The following PCDH15 variants were observed in gnomAD, a reference collection of about 807,000 sequenced individuals.
PCDH15 encodes the protein protocadherin related 15.
In PCDH15, 129 loss-of-function variants were observed where a neutral mutation model predicts 178.5. The observed-to-expected ratio is 0.72, with a 90% CI of 0.63 to 0.84. The LOEUF is 0.84. PCDH15 is among the 40% of genes least tolerant of loss of function. The pLI is 0.00. For synonymous variants in PCDH15, 800 were observed against 732.0 expected, an observed-to-expected ratio of 1.09 and a Z score of -1.50; for missense variants, 2,230 against 2,099.9, an observed-to-expected ratio of 1.06 and a Z score of -1.21.
At chr10:54,443,025 G>T (rs752038860) in intron 3 of PCDH15, among the ~76,000 whole-genome samples, 16 of 151,678 alleles carry the variant, frequency 1.1e-4, no homozygotes, top group Non-Finnish European at 1.6e-4. Context: ...ATGCTAAATA[G>T]TGGCATGAGC....
chr10:54,119,462 A>T (rs1346701359), intron 15 of PCDH15, among the ~76,000 whole-genome samples: 3 of 152,144 alleles, frequency 2.0e-5, no homozygotes, highest in East Asian at 1.9e-4. Flanking sequence ...AGAATTTTTT[A>T]AAATGTACAA....
chr10:55,426,628 T>C (rs2132051984), intron 2 of PCDH15, among the ~76,000 whole-genome samples: 1 of 152,240 alleles, frequency 6.6e-6, no homozygotes, highest in East Asian at 1.9e-4. Context: ...GGTGGCTGCC[T>C]TCCAACAGCG....
Position 54,413,989 on chromosome 10 carries a change from T to C in PCDH15, c.158-35047A>G, listed in dbSNP as rs12263018. Among the ~76,000 whole-genome samples the C allele has an allele frequency of 5.6e-3, 849 of 152,242 alleles. 11 individuals carry two copies. Among genetic ancestry groups the C allele is most frequent in the African/African-American group, 0.02 (835 of 41,546 alleles). On this transcript the variant is annotated intron_variant, in intron 3 of 37. Coordinates refer to ENST00000644397, the MANE Select transcript of PCDH15 (RefSeq NM_001384140.1). ...ATCACCCAAATCATTACCCAAATAG[T>C]GTACGTTGTACCCATAAAGCAATCT...
At chr10:55,612,468 A>G (rs1452566054) in intron 2 of PCDH15, among the ~76,000 whole-genome samples, 1 of 152,122 alleles carries the variant, frequency 6.6e-6, no homozygotes, top group Non-Finnish European at 1.5e-5. Context: ...GGACTGCTGC[A>G]TATACTCATA....
At chr10:54,587,631 G>T (rs750893619) in intron 2 of PCDH15, among the ~76,000 whole-genome samples, 1 of 151,938 alleles carries the variant, frequency 6.6e-6, no homozygotes, top group Non-Finnish European at 1.5e-5. Flanking sequence ...CCAAATTTAA[G>T]ATTATGACAA....
chr10:54,208,742 T>C (rs1315095047), intron 10 of PCDH15, among the ~76,000 whole-genome samples: 6 of 152,074 alleles, frequency 3.9e-5, no homozygotes, highest in Non-Finnish European at 8.8e-5. Flanking sequence ...CGTGTGCGTG[T>C]GCATGTGTGT....
chr10:54,452,225 T>A (rs1340942086), intron 3 of PCDH15, among the ~76,000 whole-genome samples: 1 of 152,072 alleles, frequency 6.6e-6, no homozygotes, highest in East Asian at 1.9e-4. Context: ...TCTTAGCCAA[T>A]ACTAAGTGCT....
intron 1 of PCDH15, among the ~76,000 whole-genome samples, chr10:55,183,655 G>C (rs1298071539): frequency 7.3e-6 from 1 of 136,500 alleles, no homozygotes; most frequent in Non-Finnish European, 1.5e-5. Flanking sequence ...GAGGAAAGGC[G>C]GGGGTAACAA....
Position 55,044,593 on chromosome 10 carries a change from G to C in PCDH15, c.-80+121983C>G, listed in dbSNP as rs534978299. Among the ~76,000 whole-genome samples the C allele has an allele frequency of 5.3e-4, 80 of 152,062 alleles. 1 individual carries two copies. Among genetic ancestry groups the C allele is most frequent in the Admixed American group, 1.2e-3 (18 of 15,250 alleles). On this transcript the variant is annotated intron_variant, in intron 2 of 5. Coordinates refer to the PCDH15 transcript ENST00000458638. ...CTCTAGACTCAAAGCCAATGTAAAAGGTTCGGTTCCCATGAGATCTGCAGT... is the reference window on the plus strand; with the variant it reads ...CTCTAGACTCAAAGCCAATGTAAAACGTTCGGTTCCCATGAGATCTGCAGT...
At chr10:54,508,334 T>C (rs575047210) in intron 3 of PCDH15, among the ~76,000 whole-genome samples, 19 of 151,990 alleles carry the variant, frequency 1.3e-4, no homozygotes, top group Non-Finnish European at 2.4e-4. Context: ...GAAGTCAATA[T>C]AGTACCATGG....
At chr10:54,463,093 A>T (rs1435435355) in intron 3 of PCDH15, among the ~76,000 whole-genome samples, 1 of 152,150 alleles carries the variant, frequency 6.6e-6, no homozygotes, top group African/African-American at 2.4e-5. Context: ...CTCAATGAGA[A>T]CATTAACATG....
At position 55,024,183 on chromosome 10, in the gene PCDH15, A is replaced by T. The variant is rs565283442; in HGVS notation, c.-79-126683T>A. 4.9e-3 allele frequency among the ~76,000 whole-genome samples: 715 copies of T among 146,940 alleles called. 2 individuals are homozygous for T. Among genetic ancestry groups the T allele is most frequent in the African/African-American group, 0.017 (690 of 40,462 alleles). On this transcript the variant is annotated intron_variant, in intron 2 of 5. Transcript: ENST00000458638. ...GAGAGGAAGGAATATATATAGAGAG[A>T]GGAAGGAATATATATATATATAATA...
intron 3 of PCDH15, among the ~76,000 whole-genome samples, chr10:54,520,279 C>A (rs1472760391): frequency 6.6e-6 from 1 of 152,022 alleles, no homozygotes; most frequent in Non-Finnish European, 1.5e-5. Flanking sequence ...ACCAGGCAAC[C>A]TACAAAATGG....
chr10:54,163,388 C>T lies in PCDH15; in HGVS notation c.1591-10095G>A, dbSNP rs193144384. Among the ~76,000 whole-genome samples, 58 of 150,708 alleles carry T rather than the reference C, an allele frequency of 3.8e-4. 1 individual carries two copies. The East Asian group carries it at 9.1e-3, about 24-fold the overall frequency. On this transcript the variant is annotated intron_variant, in intron 13 of 37. Coordinates refer to ENST00000644397, the MANE Select transcript of PCDH15 (RefSeq NM_001384140.1). ...CAGAAGGCAAAGGAGAAGGAAGCAC[C>T]TTGTTCACATGGCAGCAGGAGAGAG...
At chr10:54,578,203 A>T (rs893787424) in intron 2 of PCDH15, among the ~76,000 whole-genome samples, 3 of 152,118 alleles carry the variant, frequency 2.0e-5, no homozygotes, top group Non-Finnish European at 4.4e-5. Flanking sequence ...CTTTAAAAAA[A>T]TCCTGCAGGA....
At chr10:54,835,528 C>T (rs1207177815) in intron 3 of PCDH15, among the ~76,000 whole-genome samples, 1 of 152,060 alleles carries the variant, frequency 6.6e-6, no homozygotes, top group East Asian at 1.9e-4. Flanking sequence ...TTCCCCAGTA[C>T]ATATCCCTAC....
intron 3 of PCDH15, among the ~76,000 whole-genome samples, chr10:54,475,647 A>G (rs1486753817): frequency 6.6e-6 from 1 of 151,976 alleles, no homozygotes; most frequent in Non-Finnish European, 1.5e-5. Flanking sequence ...GCAAAACATA[A>G]TTAGCAGAAA....
chr10:53,875,364 T>A (rs2080154679), intron 26 of PCDH15, among the ~76,000 whole-genome samples: 1 of 151,956 alleles, frequency 6.6e-6, no homozygotes. Context: ...ATTCTATAAT[T>A]TATTAATAGT....
intron 3 of PCDH15, among the ~76,000 whole-genome samples, chr10:54,416,108 C>A (rs995779194): frequency 2.6e-5 from 4 of 151,998 alleles, no homozygotes; most frequent in Non-Finnish European, 4.4e-5. Context: ...GGACTACAGG[C>A]ACATGCCACC....
Sources: gnomAD v4.1 joint callset for allele counts (sites outside exome capture counted in the v4.1 genomes callset) on GRCh38, gnomAD v4.1.1 for gene constraint, MANE v1.5 for transcripts, NCBI Gene and HGNC (gene_info 2026-07-23, HGNC 2026-07-21) for gene names.